The following RBM34 variants were observed in gnomAD, a reference collection of about 807,000 sequenced individuals.
The protein encoded by RBM34 is RNA binding motif protein 34, also known as RNA-binding protein 34.
A neutral mutation model predicts 44.6 loss-of-function variants in RBM34; 39 were observed. The observed-to-expected ratio is 0.87, with a 90% CI of 0.68 to 1.14. The LOEUF (loss-of-function observed/expected upper bound fraction) is 1.14, where lower values mean the gene tolerates loss of function less well. Ranked by LOEUF, RBM34 falls within the 50% of genes most tolerant of loss-of-function variation. The pLI is 0.00. For missense variants in RBM34, 572 were observed against 517.9 expected (o/e 1.10, Z -1.01); for synonymous variants, 194 against 184.0 (o/e 1.05, Z -0.44).
At chr1:235,138,394 T>C (rs901878066) in intron 6 of RBM34, among the ~76,000 whole-genome samples, 8 of 152,230 alleles carry the variant, frequency 5.3e-5, no homozygotes, top group African/African-American at 1.9e-4. Context: ...CATACTTTCT[T>C]AGGAATCATA....
At chr1:235,146,982 C>G (rs1372171047) in intron 6 of RBM34, among the ~76,000 whole-genome samples, 1 of 152,178 alleles carries the variant, frequency 6.6e-6, no homozygotes, top group African/African-American at 2.4e-5. Context: ...CATAATCCCA[C>G]TGCTTTAGAA....
At chr1:235,146,589 G>C (rs945727959) in intron 6 of RBM34, among the ~76,000 whole-genome samples, 1 of 152,114 alleles carries the variant, frequency 6.6e-6, no homozygotes, top group Admixed American at 6.6e-5. Flanking sequence ...TAGGGAATTG[G>C]CTGACTAGAG....
chr1:235,143,359 C>T (rs1661765281), intron 6 of RBM34, among the ~76,000 whole-genome samples: 2 of 152,186 alleles, frequency 1.3e-5, no homozygotes, highest in Admixed American at 1.3e-4. Flanking sequence ...GGCAGTTTCT[C>T]AAAAGAAATG....
intron 2 of RBM34, 121 bp downstream of exon 2, chr1:235,160,772 T>C: frequency 6.6e-7 from 1 of 1,506,228 alleles, no homozygotes; most frequent in Non-Finnish European, 9.0e-7. Flanking sequence ...TCATGAAAGG[T>C]TACTTAAAAT....
intron 2 of RBM34, 25 bp downstream of exon 2, chr1:235,160,868 T>G: frequency 6.2e-7 from 1 of 1,611,016 alleles, no homozygotes; most frequent in Non-Finnish European, 8.5e-7. Context: ...AACGAGCTAT[T>G]CGGGAAGAAA....
At chr1:235,158,577 A>C (rs1455301463) in intron 3 of RBM34, among the ~76,000 whole-genome samples, 3 of 152,186 alleles carry the variant, frequency 2.0e-5, no homozygotes, top group African/African-American at 7.2e-5. Context: ...CTCTGCTCTA[A>C]GAAAGAGGGG....
In RBM34 at chr1:235,152,761, A is replaced by C. The variant is rs771759839; in HGVS notation, c.602T>G (p.Leu201Arg). The C allele has an allele frequency of 4.4e-6, 7 of 1,575,770 alleles. No individual in the cohort carries two copies. The highest frequency in any genetic ancestry group is 1.4e-5 in the African/African-American group (1 of 72,866). ...NLPVTCNKKK[L>R]KSFFKEYGQI... ...TCCATACTCTTTAAAAAACGACTTC[A>C]GCTTCTAAAATTAAAAAAAAAAATA... The change falls in exon 5 of 11, where the codon CTG (leucine) becomes CGG (arginine). Residue 201 changes from leucine to arginine, a missense_variant. By Grantham distance (102) the Leu-to-Arg change is moderately radical. Coordinates refer to ENST00000408888, the MANE Select transcript of RBM34 (RefSeq NM_015014.4).
At chr1:235,153,796 C>T (rs1233070342) in intron 4 of RBM34, among the ~76,000 whole-genome samples, 1 of 152,078 alleles carries the variant, frequency 6.6e-6, no homozygotes, top group Non-Finnish European at 1.5e-5. Flanking sequence ...AGCAGGATAC[C>T]GAGCTAAGGA....
At chr1:235,140,291 G>T (rs1484360709) in intron 6 of RBM34, among the ~76,000 whole-genome samples, 2 of 152,334 alleles carry the variant, frequency 1.3e-5, no homozygotes, top group East Asian at 3.9e-4. Context: ...TGGAGGGAGA[G>T]GCGCGAGTGG....
At position 235,131,465 on chromosome 1, in the gene RBM34, G is replaced by A. The variant is rs989771018; in HGVS notation, c.*248C>T. On this transcript the variant is annotated 3_prime_UTR_variant, in exon 11 of 11. Coordinates refer to ENST00000408888, the MANE Select transcript of RBM34 (RefSeq NM_015014.4). ...AGAGGTTGCAGTGAGCCAAGATCAC[G>A]CCACTGCACTCCAGCCTGGGAGACA... 2 of 364,870 alleles carry A rather than the reference G, an allele frequency of 5.5e-6. No homozygotes were observed. The highest frequency in any genetic ancestry group is 9.8e-6 in the Non-Finnish European group (2 of 204,396). 22.6% of individuals were successfully genotyped at this position (364,870 alleles called of 1,614,324 possible). A position where few individuals can be genotyped will look rare whatever the true frequency, so the allele number is the denominator to read the frequency against.
At chr1:235,149,515 T>C (rs1662069704) in intron 5 of RBM34, among the ~76,000 whole-genome samples, 1 of 151,954 alleles carries the variant, frequency 6.6e-6, no homozygotes, top group Non-Finnish European at 1.5e-5. Context: ...TAAAAAGACA[T>C]ATCACCTGTA....
At chr1:235,141,673 T>C (rs1332448694) in intron 6 of RBM34, among the ~76,000 whole-genome samples, 1 of 152,152 alleles carries the variant, frequency 6.6e-6, no homozygotes, top group East Asian at 1.9e-4. Flanking sequence ...TTATGAGCTG[T>C]AACACTCACC....
At chr1:235,145,966 GTTTTTTTTTTTT>G (rs34111332) in intron 6 of RBM34, among the ~76,000 whole-genome samples, 3 of 77,212 alleles carry the variant, frequency 3.9e-5, no homozygotes, top group Admixed American at 1.7e-4. Flanking sequence ...ATTACAGCAG[GTTTTTTTTTTTT>G]TTTTTTTTTT....
intron 6 of RBM34, among the ~76,000 whole-genome samples, chr1:235,142,203 G>A (rs931948512): frequency 2.6e-5 from 4 of 152,124 alleles, no homozygotes; most frequent in African/African-American, 7.2e-5. Flanking sequence ...CCTGAGACAC[G>A]GAAACACTAA....
chr1:235,134,742 C>T (rs1350815824), intron 10 of RBM34, among the ~76,000 whole-genome samples: 35 of 140,874 alleles, frequency 2.5e-4, no homozygotes, highest in Non-Finnish European at 3.2e-4. Flanking sequence ...TTCTCGTTTT[C>T]GGGTTTTTTT....
chr1:235,138,642 T>C (rs1661538951), intron 6 of RBM34, among the ~76,000 whole-genome samples: 1 of 152,178 alleles, frequency 6.6e-6, no homozygotes, highest in South Asian at 2.1e-4. Flanking sequence ...TCTGTGGCCC[T>C]TTCCCGTTGC....
rs116999203 is a variant in RBM34 at position 235,151,657 on chromosome 1, A to C, written c.657+1049T>G. On this transcript the variant is annotated intron_variant, in intron 5 of 10. Coordinates refer to ENST00000408888, the MANE Select transcript of RBM34 (RefSeq NM_015014.4). ...ATACAAAGGGCAGCCTCCAACAACA[A>C]AGAATTATCCAGCCCAAAATGTCAA... Among the ~76,000 whole-genome samples, 94 of 152,302 alleles carry C rather than the reference A, an allele frequency of 6.2e-4. 1 individual carries two copies. The East Asian group carries it at 0.018, about 28-fold the overall frequency.
chr1:235,160,755 G>T, intron 2 of RBM34, 108 bp from the exon 3 acceptor site: 1 of 1,509,744 alleles, frequency 6.6e-7, no homozygotes, highest in Non-Finnish European at 9.0e-7. Flanking sequence ...TCACTGGTAT[G>T]TAAGAGTCAT....
chr1:235,154,735 G>T, intron 4 of RBM34, 146 bp downstream of exon 4: 2 of 689,220 alleles, frequency 2.9e-6, no homozygotes, highest in Non-Finnish European at 2.5e-6. Context: ...AAAGGAGGGG[G>T]TGGATACTGG....
Sources: gnomAD v4.1 joint callset for allele counts (sites outside exome capture counted in the v4.1 genomes callset) on GRCh38, gnomAD v4.1.1 for gene constraint, MANE v1.5 for transcripts, NCBI Gene and HGNC (gene_info 2026-07-23, HGNC 2026-07-21) for gene names.